Variants in CSMD1 observed in about 807,000 individuals in gnomAD.
CSMD1 encodes the protein CUB and sushi domain-containing protein 1.
A neutral mutation model predicts 417.5 loss-of-function variants in CSMD1; 213 were observed. The ratio of observed to expected loss-of-function variants is 0.51; its 90% CI spans 0.46 to 0.57. CSMD1 has a LOEUF of 0.57. CSMD1 is among the 20% of genes least tolerant of loss of function. The pLI is 0.00. For missense variants in CSMD1, 6,923 were observed against 4,529.7 expected (o/e 1.53, Z -15.17); for synonymous variants, 2,862 against 1,736.8 (o/e 1.65, Z -16.11).
At chr8:3,229,990 A>G in intron 27 of CSMD1, 50 bp downstream of exon 27, 1 of 1,297,838 alleles carries the variant, frequency 7.7e-7, no homozygotes, top group South Asian at 1.8e-5. Flanking sequence ...TTTAACGACA[A>G]CATGCATCCA....
chr8:4,668,613 C>T (rs911749475), intron 1 of CSMD1, among the ~76,000 whole-genome samples: 3 of 151,766 alleles, frequency 2.0e-5, no homozygotes, highest in African/African-American at 4.8e-5. Context: ...CCACGCCTGG[C>T]TAATTTTTTT....
chr8:3,148,763 T>C (rs553700450), intron 40 of CSMD1, among the ~76,000 whole-genome samples: 15 of 152,350 alleles, frequency 9.8e-5, no homozygotes, highest in Non-Finnish European at 1.9e-4. Context: ...TAATTCCAAA[T>C]GTTGACCACG....
intron 3 of CSMD1, among the ~76,000 whole-genome samples, chr8:4,244,892 T>C (rs558029553): frequency 1.3e-5 from 2 of 152,170 alleles, no homozygotes; most frequent in African/African-American, 4.8e-5. Context: ...CTGATAGATA[T>C]AATGGAGATA....
At chr8:4,353,634 G>T (rs963995938) in intron 3 of CSMD1, among the ~76,000 whole-genome samples, 3 of 151,784 alleles carry the variant, frequency 2.0e-5, no homozygotes, top group African/African-American at 7.3e-5. Flanking sequence ...CACGCCCAAC[G>T]GGACAGGCTA....
In CSMD1 at chr8:4,138,044, A is replaced by ATTTTTTTT. The variant is rs55993904; in HGVS notation, c.416-105953_416-105946dup. On this transcript the variant is annotated intron_variant, in intron 3 of 69. Transcript: ENST00000635120. ...AGGCGCCCGCCACCATGCCCGGCTA[A>ATTTTTTTT]TTTTTTTTTTTTTTTTTTTTTTTTT... 1.8e-4 allele frequency among the ~76,000 whole-genome samples: 11 copies of ATTTTTTTT among 62,702 alleles called. 1 individual carries two copies. Among genetic ancestry groups the ATTTTTTTT allele is most frequent in the East Asian group, 1.0e-3 (2 of 1,994 alleles). The allele number at this position is 62,702 out of a possible 152,430, so 41.1% of individuals were successfully genotyped here.
At position 3,435,115 on chromosome 8, in the gene CSMD1, C is replaced by A. The variant is rs369102514; in HGVS notation, c.1562-25510G>T. 2.6e-5 allele frequency among the ~76,000 whole-genome samples: 4 copies of A among 152,114 alleles called. No homozygotes were observed. The East Asian group carries it at 5.8e-4, about 22-fold the overall frequency. ...AAGAGAGACGGAGAGACAGCACACC[C>A]CTACTTCACTCACTCTGTGGCCTCA... On this transcript the variant is annotated intron_variant, in intron 12 of 69. Coordinates refer to ENST00000635120, the MANE Select transcript of CSMD1 (RefSeq NM_033225.6).
At chr8:4,018,782 G>A (rs545705795) in intron 4 of CSMD1, among the ~76,000 whole-genome samples, 1 of 152,208 alleles carries the variant, frequency 6.6e-6, no homozygotes, top group African/African-American at 2.4e-5. Flanking sequence ...TGTAGCCAAA[G>A]TGTCCAGGGT....
In CSMD1 at chr8:4,649,011, C is replaced by T. The variant is rs371456860; in HGVS notation, c.86-11453G>A. 1.4e-4 allele frequency among the ~76,000 whole-genome samples: 22 copies of T among 152,232 alleles called. No individual in the cohort carries two copies. The East Asian group carries it at 1.7e-3, about 12-fold the overall frequency. ...GCCTTCAATAAACATATCTATACTG[C>T]GGTTATATATTCTCTTTGGCCGAGA... On this transcript the variant is annotated intron_variant, in intron 1 of 69. Coordinates refer to ENST00000635120, the MANE Select transcript of CSMD1 (RefSeq NM_033225.6).
chr8:3,214,757 G>T, intron 29 of CSMD1, 66 bp from the exon 30 acceptor site: 1 of 1,321,782 alleles, frequency 7.6e-7, no homozygotes, highest in South Asian at 1.5e-5. Flanking sequence ...GTTTTTGTTT[G>T]TTGGGTTGGT....
At chr8:4,323,111 AG>A (rs1477878561) in intron 3 of CSMD1, among the ~76,000 whole-genome samples, 4 of 152,262 alleles carry the variant, frequency 2.6e-5, no homozygotes, top group Admixed American at 2.0e-4. Flanking sequence ...GATTTTAATG[AG>A]ACATTAATTG....
At chr8:3,687,683 G>C (rs1169795526) in intron 7 of CSMD1, among the ~76,000 whole-genome samples, 1 of 152,168 alleles carries the variant, frequency 6.6e-6, no homozygotes, top group African/African-American at 2.4e-5. Flanking sequence ...GGCTCCCTGA[G>C]CCCCACCGTG....
chr8:3,371,793 T>C (rs1324424804), intron 18 of CSMD1, among the ~76,000 whole-genome samples: 1 of 152,234 alleles, frequency 6.6e-6, no homozygotes, highest in East Asian at 1.9e-4. Flanking sequence ...AGAAAATTTT[T>C]AAAATAATTT....
chr8:4,365,566 T>G (rs1019127424), intron 3 of CSMD1, among the ~76,000 whole-genome samples: 1 of 152,220 alleles, frequency 6.6e-6, no homozygotes, highest in Non-Finnish European at 1.5e-5. Context: ...TTGTGCCTCT[T>G]ATTGATGATA....
chr8:3,584,213 A>T (rs965623502), intron 9 of CSMD1, among the ~76,000 whole-genome samples: 5 of 152,196 alleles, frequency 3.3e-5, no homozygotes, highest in African/African-American at 1.2e-4. Flanking sequence ...AGAACGAGGG[A>T]ATCATCAGTA....
chr8:3,514,579 T>C (rs1375365265), intron 10 of CSMD1, among the ~76,000 whole-genome samples: 1 of 152,222 alleles, frequency 6.6e-6, no homozygotes, highest in Non-Finnish European at 1.5e-5. Context: ...TATTCCTAAA[T>C]TCTATATTTA....
chr8:3,985,577 T>TCA (rs1475755143), intron 5 of CSMD1, among the ~76,000 whole-genome samples: 1 of 152,130 alleles, frequency 6.6e-6, no homozygotes, highest in African/African-American at 2.4e-5. Flanking sequence ...AATAACAGTT[T>TCA]CACTTTATTT....
intron 3 of CSMD1, among the ~76,000 whole-genome samples, chr8:4,135,956 T>G (rs34460876): frequency 0.3 from 45,992 of 151,994 alleles, 7,215 homozygotes; most frequent in Middle Eastern, 0.44. Context: ...CTATTGGTGT[T>G]AAGTCAAATA....
chr8:4,293,596 C>T (rs1038933725), intron 3 of CSMD1, among the ~76,000 whole-genome samples: 4 of 152,162 alleles, frequency 2.6e-5, no homozygotes, highest in African/African-American at 7.2e-5. Flanking sequence ...CTCATCTCAT[C>T]ATGAACTAAG....
At chr8:4,506,985 C>T (rs889692673) in intron 2 of CSMD1, among the ~76,000 whole-genome samples, 2 of 151,904 alleles carry the variant, frequency 1.3e-5, no homozygotes, top group African/African-American at 4.8e-5. Context: ...AAAATTGAAT[C>T]GGTGAAGGAA....
Sources: allele counts gnomAD v4.1 joint callset (sites outside exome capture counted in the v4.1 genomes callset), GRCh38; gene constraint gnomAD v4.1.1; transcripts MANE v1.5; gene names NCBI Gene and HGNC (gene_info 2026-07-23, HGNC 2026-07-21).